TRMT9B: variants seen among roughly 807,000 people sequenced by gnomAD.
TRMT9B encodes tRNA methyltransferase 9B (putative), also known as probable tRNA methyltransferase 9B.
Under a neutral mutation model 11.5 loss-of-function variants are expected in TRMT9B, and 16 were observed. That is an observed-to-expected ratio of 1.39 (90% CI 0.94 to 2.11). The LOEUF is 2.11. Ranked by LOEUF, TRMT9B falls within the 30% of genes most tolerant of loss-of-function variation. TRMT9B has a pLI of 0.00. For missense variants in TRMT9B, 941 were observed against 553.8 expected, an observed-to-expected ratio of 1.70 and a Z score of -7.02; for synonymous variants, 274 against 192.4, an observed-to-expected ratio of 1.42 and a Z score of -3.51.
intron 1 of TRMT9B, among the ~76,000 whole-genome samples, chr8:12,980,265 T>G (rs1290910074): frequency 6.6e-6 from 1 of 152,186 alleles, no homozygotes; most frequent in Non-Finnish European, 1.5e-5. Context: ...CTCTTTGGCT[T>G]GTGCTAGTGT....
intron 4 of TRMT9B, among the ~76,000 whole-genome samples, chr8:13,018,657 G>A (rs1048496452): frequency 3.3e-5 from 5 of 152,150 alleles, no homozygotes; most frequent in African/African-American, 1.2e-4. Flanking sequence ...CGGTTTCTGT[G>A]AGCCTCTGAT....
At chr8:12,963,617 G>A (rs1356449700) in intron 1 of TRMT9B, among the ~76,000 whole-genome samples, 3 of 151,944 alleles carry the variant, frequency 2.0e-5, no homozygotes, top group South Asian at 2.1e-4. Flanking sequence ...CGGTGGTGGA[G>A]TGTGCCTGTA....
intron 1 of TRMT9B, among the ~76,000 whole-genome samples, chr8:12,966,142 A>G (rs1405674685): frequency 8.6e-6 from 1 of 115,774 alleles, no homozygotes; most frequent in Non-Finnish European, 2.2e-5. Context: ...CCTGGGCAAC[A>G]TAGTAAGACC....
At chr8:12,993,879 G>T (rs1240094776) in intron 2 of TRMT9B, among the ~76,000 whole-genome samples, 1 of 152,226 alleles carries the variant, frequency 6.6e-6, no homozygotes, top group Non-Finnish European at 1.5e-5. Context: ...AGGAGGATTT[G>T]TTGGGAGTGC....
intron 1 of TRMT9B, among the ~76,000 whole-genome samples, chr8:12,986,127 G>T (rs1267322075): frequency 2.0e-5 from 3 of 152,144 alleles, no homozygotes; most frequent in African/African-American, 7.2e-5. Flanking sequence ...CTCCCAAAGT[G>T]CTGGGATTAC....
intron 2 of TRMT9B, among the ~76,000 whole-genome samples, chr8:12,994,367 G>T (rs1352015516): frequency 6.6e-6 from 1 of 152,188 alleles, no homozygotes; most frequent in South Asian, 2.1e-4. Context: ...TTTTTAAGAA[G>T]ATACTGATAT....
At chr8:12,979,593 A>T (rs909728301) in intron 1 of TRMT9B, among the ~76,000 whole-genome samples, 2 of 152,180 alleles carry the variant, frequency 1.3e-5, no homozygotes, top group Non-Finnish European at 2.9e-5. Context: ...AGTGAGAACG[A>T]TGTTAACTCC....
chr8:12,962,594 G>A (rs951440304), intron 1 of TRMT9B, among the ~76,000 whole-genome samples: 12 of 151,970 alleles, frequency 7.9e-5, no homozygotes, highest in African/African-American at 2.7e-4. Context: ...GGGTTCAAGC[G>A]ATCCTCGTAC....
chr8:13,004,065 C>T (rs1458629824), intron 2 of TRMT9B, among the ~76,000 whole-genome samples: 1 of 151,894 alleles, frequency 6.6e-6, no homozygotes, highest in Non-Finnish European at 1.5e-5. Flanking sequence ...GAAAGCAAAG[C>T]CATGTGGCTG....
At chr8:12,983,661 C>T (rs948177873) in intron 1 of TRMT9B, among the ~76,000 whole-genome samples, 30 of 152,106 alleles carry the variant, frequency 2.0e-4, no homozygotes, top group Admixed American at 2.6e-4. Flanking sequence ...CAGAGCAAGA[C>T]GCCGTCTCAA....
At chr8:12,977,852 A>AG (rs1804705592) in intron 1 of TRMT9B, among the ~76,000 whole-genome samples, 1 of 42,646 alleles carries the variant, frequency 2.3e-5, no homozygotes, top group Non-Finnish European at 4.6e-5. Context: ...CTATCTCTAC[A>AG]AAAAAAAAAG....
chr8:12,956,579 G>A (rs1040004856), intron 1 of TRMT9B, among the ~76,000 whole-genome samples: 13 of 152,152 alleles, frequency 8.5e-5, no homozygotes, highest in East Asian at 3.8e-4. Flanking sequence ...TCTCAAAGCC[G>A]CAGATAGTCT....
intron 2 of TRMT9B, among the ~76,000 whole-genome samples, chr8:12,993,100 G>A (rs753652086): frequency 2.6e-5 from 4 of 152,166 alleles, no homozygotes; most frequent in Non-Finnish European, 4.4e-5. Context: ...GAGTAGATTT[G>A]TGTGGATACA....
At chr8:13,013,873 T>A (rs1343642607) in intron 4 of TRMT9B, among the ~76,000 whole-genome samples, 1 of 152,090 alleles carries the variant, frequency 6.6e-6, no homozygotes. Flanking sequence ...CGCTTGAACC[T>A]GGAAGGCGGA....
At chr8:12,990,451 G>A (rs767899524) in intron 1 of TRMT9B, among the ~76,000 whole-genome samples, 12 of 152,078 alleles carry the variant, frequency 7.9e-5, no homozygotes, top group Non-Finnish European at 1.5e-4. Flanking sequence ...CTAGTAATAT[G>A]GAAAATATTG....
In TRMT9B at chr8:13,026,748, C is replaced by A. The variant is rs1814734064; in HGVS notation, c.*4704C>A. ...TTAGAGGCAGAGCTGGGATTCAAAC[C>A]CAGGTCTGGCTCCTAGTCTCTGCTC... On this transcript the variant is annotated 3_prime_UTR_variant, in exon 5 of 5. Coordinates refer to ENST00000524591, the MANE Select transcript of TRMT9B (RefSeq NM_020844.3). The A allele has an allele frequency of 6.0e-6, 1 of 167,010 alleles. No homozygotes were observed. The highest frequency in any genetic ancestry group is 2.1e-4 in the South Asian group (1 of 4,824). 10.3% of individuals were successfully genotyped at this position (167,010 alleles called of 1,614,324 possible). A position where few individuals can be genotyped will look rare whatever the true frequency, so the allele number is the denominator to read the frequency against.
intron 1 of TRMT9B, among the ~76,000 whole-genome samples, chr8:12,947,288 A>G (rs1025406149): frequency 1.7e-4 from 26 of 152,326 alleles, no homozygotes; most frequent in African/African-American, 6.0e-4. Context: ...TCTGAAGTTA[A>G]GCTCACCCGG....
chr8:13,011,783 A>G, intron 3 of TRMT9B: 1 of 953,754 alleles, frequency 1.0e-6, no homozygotes, highest in South Asian at 4.8e-5. Context: ...TGAGTTGTAT[A>G]CTGGACCCAT....
intron 4 of TRMT9B, among the ~76,000 whole-genome samples, chr8:13,014,623 G>T (rs754393647): frequency 2.6e-5 from 4 of 152,114 alleles, no homozygotes; most frequent in Admixed American, 6.5e-5. Flanking sequence ...TTAGGGCTTC[G>T]ACATGTTGGT....
Sources: gnomAD v4.1 joint callset for allele counts (sites outside exome capture counted in the v4.1 genomes callset) on GRCh38, gnomAD v4.1.1 for gene constraint, MANE v1.5 for transcripts, NCBI Gene and HGNC (gene_info 2026-07-23, HGNC 2026-07-21) for gene names.